Variants in RYR2 observed in about 807,000 individuals in gnomAD.
The protein encoded by RYR2 is cardiac muscle ryanodine receptor-calcium release channel.
RYR2 carries 227 observed loss-of-function variants against 601.1 expected under a neutral mutation model. The ratio of observed to expected loss-of-function variants is 0.38; its 90% confidence interval spans 0.34 to 0.42. The LOEUF (loss-of-function observed/expected upper bound fraction) is 0.42. Among genes scored for constraint, RYR2 ranks in the 10% least tolerant of loss-of-function variants. The pLI is 1.00. For synonymous variants in RYR2, 2,223 were observed against 2,175.1 expected, an observed-to-expected ratio of 1.02 and a Z score of -0.61; for missense variants, 4,646 against 6,156.5, an observed-to-expected ratio of 0.75 and a Z score of 8.21.
In RYR2 at chr1:237,627,934, T is replaced by A; in HGVS notation, c.6294T>A (p.Leu2098=). Residue 2098 remains leucine (L), a synonymous_variant, in exon 41 of 105, where the codon CTT becomes CTA. Transcript: ENST00000366574. ...LHRQYDGIGG[L]VRALPKTYTI... ...GGCAGTATGACGGCATTGGGGGTCT[T>A]GTTCGGGCCCTGCCAAAGACCTACA... 1 of 1,613,862 alleles carries A rather than the reference T, an allele frequency of 6.2e-7. No homozygotes were observed.
At chr1:237,146,533 A>G (rs1476314810) in intron 1 of RYR2, among the ~76,000 whole-genome samples, 1 of 152,212 alleles carries the variant, frequency 6.6e-6, no homozygotes, top group African/African-American at 2.4e-5. Context: ...GCTTTGCAGG[A>G]TGCGCTCCTT....
At position 237,247,897 on chromosome 1, in the gene RYR2, C is replaced by T. The variant is rs1273365119; in HGVS notation, c.49-22600C>T. On this transcript the variant is annotated intron_variant, in intron 1 of 104. Transcript: ENST00000366574. The stretch of plus-strand genomic sequence containing the variant: ...AATAGGGAGAGGGTGAGGAAAGATC[C>T]AGAGTTTCTGTCCATGCTGGTACCT... Among the ~76,000 whole-genome samples, 7 of 152,242 alleles carry T rather than the reference C, an allele frequency of 4.6e-5. No homozygotes were observed. In the East Asian group the frequency reaches 5.8e-4, roughly 13 times the overall value.
intron 1 of RYR2, among the ~76,000 whole-genome samples, chr1:237,127,488 A>G (rs1401423705): frequency 6.8e-6 from 1 of 147,736 alleles, no homozygotes; most frequent in African/African-American, 2.5e-5. Context: ...TCCTTCCCGG[A>G]CGGGGCGGCT....
intron 25 of RYR2, among the ~76,000 whole-genome samples, chr1:237,536,347 G>A (rs1044875809): frequency 3.3e-5 from 5 of 152,096 alleles, no homozygotes; most frequent in Admixed American, 6.6e-5. Context: ...CGAGGCAGGC[G>A]GATCACAAGG....
chr1:237,303,055 CTTT>C (rs1242011817), intron 2 of RYR2, among the ~76,000 whole-genome samples: 1 of 152,086 alleles, frequency 6.6e-6, no homozygotes, highest in Non-Finnish European at 1.5e-5. Flanking sequence ...AATTGTACTT[CTTT>C]GATTAGTGGT....
intron 1 of RYR2, among the ~76,000 whole-genome samples, chr1:237,199,624 A>G (rs537793809): frequency 6.6e-6 from 1 of 152,288 alleles, no homozygotes; most frequent in South Asian, 2.1e-4. Flanking sequence ...CTTCTTTGCC[A>G]GCACCCTCAT....
chr1:237,612,304 A>C (rs928364400), intron 36 of RYR2, among the ~76,000 whole-genome samples: 2 of 152,184 alleles, frequency 1.3e-5, no homozygotes, highest in African/African-American at 4.8e-5. Context: ...GCTAATGGGT[A>C]CTAAATTCCT....
chr1:237,121,423 G>C (rs972959630), intron 1 of RYR2, among the ~76,000 whole-genome samples: 1 of 152,164 alleles, frequency 6.6e-6, no homozygotes. Context: ...TTTCTTGATC[G>C]AGGAGAAAGC....
At chr1:237,791,896 G>A (rs960839338) in intron 93 of RYR2, 1 of 587,430 alleles carries the variant, frequency 1.7e-6, no homozygotes. Flanking sequence ...AGAATTTTTG[G>A]TTGAATAAGA....
chr1:237,631,278 C>A, intron 41 of RYR2, 149 bp from the exon 42 acceptor site: 1 of 579,372 alleles, frequency 1.7e-6, no homozygotes, highest in Non-Finnish European at 3.0e-6. Context: ...AAAACAATTA[C>A]ATTCATTAAT....
intron 45 of RYR2, 88 bp from the exon 46 acceptor site, chr1:237,638,927 T>C (rs1681157655): frequency 7.0e-7 from 1 of 1,433,706 alleles, no homozygotes; most frequent in Non-Finnish European, 9.6e-7. Flanking sequence ...GTTATTCTTA[T>C]ACATAGGAAA....
intron 56 of RYR2, among the ~76,000 whole-genome samples, chr1:237,665,459 G>A (rs1684239422): frequency 6.7e-6 from 1 of 149,722 alleles, no homozygotes. Flanking sequence ...GAGTTTAATT[G>A]AACAAAGAAC....
chr1:237,571,315 C>CTTTTTTTTTTTTTT (rs71561888), intron 29 of RYR2, among the ~76,000 whole-genome samples: 1 of 134,298 alleles, frequency 7.4e-6, no homozygotes, highest in Non-Finnish European at 1.6e-5. Flanking sequence ...CTTTTCTTTT[C>CTTTTTTTTTTTTTT]TTTTTTTTTT....
Position 237,631,533 on chromosome 1 carries a change from G to C in RYR2, c.6547G>C (p.Glu2183Gln). The stretch of plus-strand genomic sequence containing the variant: ...CATGGTGAACGTCCTTGGAGGTGGA[G>C]AGTCCAAGGTAACGTCTTTGATTCC... ...EVMVNVLGGG[E>Q]SKEITFPKMV... The change falls in exon 42 of 105, where the codon GAG becomes CAG. Residue 2183 changes from glutamate to glutamine, a missense_variant. Around this residue, in one of 17 missense-constraint regions of RYR2, gnomAD observed 137 missense variants for 273.6 expected, o/e 0.50. Transcript: ENST00000366574. 6.3e-7 allele frequency: 1 copy of C among 1,597,104 alleles called. No homozygotes were observed. The highest frequency in any genetic ancestry group is 1.1e-5 in the South Asian group (1 of 90,448).
rs1158996552 is a variant in RYR2, at chr1:237,148,527, A to ATT, written c.48+105958_48+105959insTT. Reference sequence around the variant, plus strand: ...CCAGAACTTCAAGTAAAAAAAAAAAAATATATATATATATATATATATATA... The same window carrying ATT: ...CCAGAACTTCAAGTAAAAAAAAAAAATTATATATATATATATATATATATATA... On this transcript the variant is annotated intron_variant, in intron 1 of 104. Transcript: ENST00000366574. 2.5e-4 allele frequency among the ~76,000 whole-genome samples: 21 copies of ATT among 83,916 alleles called. 1 individual carries two copies. The highest frequency in any genetic ancestry group is 8.6e-4 in the African/African-American group (20 of 23,136). 55.1% of individuals were successfully genotyped at this position (83,916 alleles called of 152,430 possible). A position where few individuals can be genotyped will look rare whatever the true frequency, so the allele number is the denominator to read the frequency against.
At position 237,548,185 on chromosome 1, in the gene RYR2, C is replaced by T. The variant is rs141837878; in HGVS notation, c.2907-246C>T. 2.7e-3 allele frequency among the ~76,000 whole-genome samples: 417 copies of T among 152,270 alleles called. 1 individual carries two copies. Among genetic ancestry groups the T allele is most frequent in the Non-Finnish European group, 4.2e-3 (287 of 68,022 alleles). ...ACAGGTCCTTTTCATCTCTGAGAGA[C>T]AGGTAAGTTGTCTCATTTCTGTCTT... On this transcript the variant is annotated intron_variant, in intron 25 of 104. Coordinates refer to ENST00000366574, the MANE Select transcript of RYR2 (RefSeq NM_001035.3).
At chr1:237,210,409 T>G (rs2149091186) in intron 1 of RYR2, among the ~76,000 whole-genome samples, 1 of 152,306 alleles carries the variant, frequency 6.6e-6, no homozygotes, top group Admixed American at 6.5e-5. Context: ...TGAGTACTCC[T>G]GAAATCTCTC....
chr1:237,601,549 G>A (rs1676505764), intron 34 of RYR2, among the ~76,000 whole-genome samples: 2 of 151,984 alleles, frequency 1.3e-5, no homozygotes, highest in African/African-American at 4.8e-5. Context: ...TCAACCATCA[G>A]GTATTGTATA....
Position 237,049,918 on chromosome 1 carries a change from C to G in RYR2, c.48+7349C>G, listed in dbSNP as rs189109577. On this transcript the variant is annotated intron_variant, in intron 1 of 104. Transcript: ENST00000366574. ...GCTTCCATAGTTACCTTCTCCCTGG[C>G]TGGTGAAGAAGTGGCCCATGTTTCT... Among the ~76,000 whole-genome samples, 38 of 152,260 alleles carry G rather than the reference C, an allele frequency of 2.5e-4. No individual in the cohort carries two copies. In the East Asian group the frequency reaches 4.4e-3, roughly 18 times the overall value.
Sources: gnomAD v4.1 joint callset for allele counts (sites outside exome capture counted in the v4.1 genomes callset) on GRCh38, gnomAD v4.1.1 for gene constraint, gnomAD v4.1.1 regional missense constraint, MANE v1.5 for transcripts, NCBI Gene and HGNC (gene_info 2026-07-23, HGNC 2026-07-21) for gene names.